SHROOM4: variants seen among roughly 807,000 people sequenced by gnomAD.
The protein encoded by SHROOM4 is protein Shroom4.
In SHROOM4, 17 loss-of-function variants were observed where a neutral mutation model predicts 80.3. The ratio of observed to expected loss-of-function variants is 0.21; its 90% CI spans 0.14 to 0.32. The LOEUF (loss-of-function observed/expected upper bound fraction) is 0.32, where lower values mean the gene tolerates loss of function less well. Ranked by LOEUF, SHROOM4 falls within the 10% of genes least tolerant of loss-of-function variation. SHROOM4 has a pLI of 1.00. For missense variants in SHROOM4, 993 were observed against 1,140.3 expected (o/e 0.87, Z 1.86); for synonymous variants, 400 against 437.5 (o/e 0.91, Z 1.07).
chrX:50,606,184 A>T (rs782384120), intron 6 of SHROOM4, among the ~76,000 whole-genome samples: 1 of 105,779 alleles, frequency 9.5e-6, no homozygotes, highest in Non-Finnish European at 1.9e-5. Context: ...GCACCCACTA[A>T]CTCATCATCT....
chrX:50,577,429 G>T, the SHROOM4 span, among the ~76,000 whole-genome samples: 1 of 112,307 alleles, frequency 8.9e-6, no homozygotes, highest in Admixed American at 9.4e-5. Flanking sequence ...GAGGTTTAAG[G>T]AATACAAGTG....
At chrX:50,745,450 C>CA (rs1459483804) in intron 1 of SHROOM4, among the ~76,000 whole-genome samples, 54 of 104,432 alleles carry the variant, frequency 5.2e-4, no homozygotes, top group East Asian at 4.2e-3. Flanking sequence ...AACAAAAAAA[C>CA]AAAAAAAAAA....
At chrX:50,761,771 G>C (rs1935163409) in intron 1 of SHROOM4, among the ~76,000 whole-genome samples, 1 of 111,045 alleles carries the variant, frequency 9.0e-6, no homozygotes, top group Non-Finnish European at 1.9e-5. Context: ...ATGTTGGCCA[G>C]GCTAGTCTCG....
At chrX:50,768,743 C>T (rs1935332502) in intron 1 of SHROOM4, among the ~76,000 whole-genome samples, 1 of 111,860 alleles carries the variant, frequency 8.9e-6, no homozygotes, top group South Asian at 3.7e-4. Flanking sequence ...ATTACATATG[C>T]TGAGCATCTA....
chrX:50,713,343 G>C (rs17003189), intron 1 of SHROOM4, among the ~76,000 whole-genome samples: 6,412 of 111,614 alleles, frequency 0.057, 448 homozygotes, highest in African/African-American at 0.2. Context: ...CTAGCCCAAA[G>C]ATTCGGGGCA....
chrX:50,645,858 C>T (rs1389424248), intron 2 of SHROOM4, among the ~76,000 whole-genome samples: 4 of 111,541 alleles, frequency 3.6e-5, no homozygotes, highest in Admixed American at 2.8e-4. Context: ...TGGGCACATG[C>T]AGCAGAAAAG....
intron 3 of SHROOM4, among the ~76,000 whole-genome samples, chrX:50,637,344 T>C (rs943611215): frequency 8.9e-6 from 1 of 112,061 alleles, no homozygotes; most frequent in Admixed American, 9.4e-5. Context: ...TCAGCTCACT[T>C]GTTCTCTGGG....
intron 2 of SHROOM4, among the ~76,000 whole-genome samples, chrX:50,650,842 C>A (rs1279985352): frequency 8.9e-6 from 1 of 112,125 alleles, no homozygotes; most frequent in African/African-American, 3.2e-5. Context: ...TAGAGCCCAC[C>A]AACCTAGCAA....
At chrX:50,781,946 T>C (rs1390722679) in intron 1 of SHROOM4, among the ~76,000 whole-genome samples, 2 of 111,532 alleles carry the variant, frequency 1.8e-5, no homozygotes, top group Admixed American at 9.5e-5. Context: ...TAGCGGCTCA[T>C]ACCTGTAATC....
intron 1 of SHROOM4, among the ~76,000 whole-genome samples, chrX:50,767,847 A>T (rs1184400450): frequency 8.9e-6 from 1 of 112,053 alleles, no homozygotes; most frequent in African/African-American, 3.2e-5. Flanking sequence ...TAAACTTTAT[A>T]AATTATAAGT....
chrX:50,653,826 G>A (rs1417265861), intron 2 of SHROOM4, among the ~76,000 whole-genome samples: 1 of 111,735 alleles, frequency 8.9e-6, no homozygotes, highest in African/African-American at 3.3e-5. Flanking sequence ...ATAATTATGT[G>A]GTTTTTGTCA....
intron 1 of SHROOM4, among the ~76,000 whole-genome samples, chrX:50,723,116 C>T (rs926039966): frequency 2.9e-5 from 3 of 103,416 alleles, no homozygotes; most frequent in Non-Finnish European, 5.9e-5. Flanking sequence ...TACTTATTGA[C>T]ATATGTGATG....
At chrX:50,800,907 T>A (rs1936104330) in intron 1 of SHROOM4, among the ~76,000 whole-genome samples, 1 of 110,294 alleles carries the variant, frequency 9.1e-6, no homozygotes, top group African/African-American at 3.3e-5. Flanking sequence ...TTCCTGCCTG[T>A]CCCAGCTCTT....
At chrX:50,782,083 C>T (rs1935639150) in intron 1 of SHROOM4, among the ~76,000 whole-genome samples, 1 of 110,808 alleles carries the variant, frequency 9.0e-6, no homozygotes, top group Admixed American at 9.6e-5. Context: ...GTGGCACTTG[C>T]CTGTAATCCT....
chrX:50,756,812 T>C (rs1935048419), intron 1 of SHROOM4, among the ~76,000 whole-genome samples: 1 of 111,991 alleles, frequency 8.9e-6, no homozygotes, highest in Non-Finnish European at 1.9e-5. Flanking sequence ...TCTATTCAAA[T>C]TCTTATCCTG....
chrX:50,773,849 C>A (rs1241716672), intron 1 of SHROOM4, among the ~76,000 whole-genome samples: 1 of 112,221 alleles, frequency 8.9e-6, no homozygotes, highest in Non-Finnish European at 1.9e-5. Flanking sequence ...TTCTTTTTGG[C>A]AAATGAATTA....
chrX:50,766,207 C>T (rs1935271458), intron 1 of SHROOM4, among the ~76,000 whole-genome samples: 1 of 111,478 alleles, frequency 9.0e-6, no homozygotes, highest in African/African-American at 3.3e-5. Flanking sequence ...GTTGAAATTC[C>T]CACAGCTTCT....
rs1397457842 is a variant in SHROOM4 at position 50,713,862 on chromosome X, T to C, written c.118-17925A>G. 6.2e-5 allele frequency among the ~76,000 whole-genome samples: 7 copies of C among 112,220 alleles called. No individual in the cohort carries two copies. The South Asian group carries it at 1.5e-3, about 24-fold the overall frequency. On this transcript the variant is annotated intron_variant, in intron 1 of 8. Coordinates refer to ENST00000376020, the MANE Select transcript of SHROOM4 (RefSeq NM_020717.5). ...ATTGTTGTTTTTGTTGCCTGTACTTTTGAGGTCTCAGCCATAAAATCTTTG... is the reference window on the plus strand; with the variant it reads ...ATTGTTGTTTTTGTTGCCTGTACTTCTGAGGTCTCAGCCATAAAATCTTTG...
rs1557245011 is a variant in SHROOM4 at position 50,587,832 on chromosome X, A to G, written c.*8863T>C. ...AATGCTACCACAATTCTGAATTTTG[A>G]TTAAATAGTGTTTCAAAATCACAGA... On this transcript the variant is annotated 3_prime_UTR_variant, in exon 9 of 9. Transcript: ENST00000376020. Among the ~76,000 whole-genome samples the G allele has an allele frequency of 1.8e-5, 2 of 112,416 alleles. No homozygotes were observed. Among genetic ancestry groups the G allele is most frequent in the African/African-American group, 6.5e-5 (2 of 31,005 alleles).
Sources: gnomAD v4.1 joint callset for allele counts (sites outside exome capture counted in the v4.1 genomes callset) on GRCh38, gnomAD v4.1.1 for gene constraint, MANE v1.5 for transcripts, NCBI Gene and HGNC (gene_info 2026-07-23, HGNC 2026-07-21) for gene names.